Variants in SFXN2 observed in about 807,000 individuals in gnomAD.
SFXN2 encodes sideroflexin-2.
In SFXN2, 37 loss-of-function variants were observed where a neutral mutation model predicts 41.9. The ratio of observed to expected loss-of-function variants is 0.88; its 90% CI spans 0.68 to 1.16. The LOEUF is 1.16. Among genes scored for constraint, SFXN2 ranks in the 50% most tolerant of loss-of-function variants. The probability of loss-of-function intolerance (pLI) is 0.00; values close to 1 mark genes in which losing one functional copy is unlikely to be tolerated. For missense variants in SFXN2, 386 were observed against 425.2 expected (o/e 0.91, Z 0.81); for synonymous variants, 150 against 156.7 (o/e 0.96, Z 0.32).
At chr10:102,733,013 C>T in intron 9 of SFXN2, 105 bp downstream of exon 9, 2 of 1,160,886 alleles carry the variant, frequency 1.7e-6, no homozygotes, top group Non-Finnish European at 2.6e-6. Flanking sequence ...TTCCCTTTAG[C>T]TACCATGCTG....
Position 102,732,989 on chromosome 10 carries a change from T to C in SFXN2, c.771+81T>C, listed in dbSNP as rs1021027616. ...GTCCCTAGGGATACCTGACCTGCCC[T>C]CCCCCACCCATCCTTCCCTTTAGCT... On this transcript the variant is annotated intron_variant, in intron 9 of 11. Coordinates refer to ENST00000369893, the MANE Select transcript of SFXN2 (RefSeq NM_178858.6). 7.1e-6 allele frequency: 10 copies of C among 1,401,240 alleles called. No homozygotes were observed. In the Admixed American group the frequency reaches 1.5e-4, roughly 21 times the overall value. The allele number at this position is 1,401,240 out of a possible 1,614,324, so 86.8% of individuals were successfully genotyped here.
intron 6 of SFXN2, among the ~76,000 whole-genome samples, chr10:102,731,264 C>CAA (rs368931070): frequency 1.6e-4 from 14 of 85,036 alleles, no homozygotes; most frequent in Non-Finnish European, 1.9e-4. Flanking sequence ...GCGATTGTCT[C>CAA]AAAAAAAAAA....
In SFXN2 at chr10:102,728,461, G is replaced by A. The variant is rs1319972976; in HGVS notation, c.363G>A (p.Trp121Ter). 1 of 1,613,886 alleles carries A rather than the reference G, an allele frequency of 6.2e-7. No individual in the cohort carries two copies. Among genetic ancestry groups the A allele is most frequent in the Non-Finnish European group, 8.5e-7 (1 of 1,179,978 alleles). ...RTMPAVIFWQ[W>*]VNQSFNALVN... is the part of the protein sequence containing the mutation. ...TGCCGGCGGTGATCTTCTGGCAGTGGGTGAACCAGTCCTTCAATGCCTTAG... is the reference window on the plus strand; with the variant it reads ...TGCCGGCGGTGATCTTCTGGCAGTGAGTGAACCAGTCCTTCAATGCCTTAG... The change falls in exon 4 of 12, where the codon TGG becomes TGA. Residue 121 changes from tryptophan (W) to a stop codon, truncating the protein, a stop_gained. Coordinates refer to ENST00000369893, the MANE Select transcript of SFXN2 (RefSeq NM_178858.6). LOFTEE classifies it high-confidence loss of function.
chr10:102,728,669 T>C (rs2064649832), intron 4 of SFXN2, 140 bp downstream of exon 4: 1 of 684,294 alleles, frequency 1.5e-6, no homozygotes, highest in Non-Finnish European at 2.6e-6. Flanking sequence ...TTTGGAAATA[T>C]TTTCTCAAGC....
chr10:102,737,641 T>A, intron 11 of SFXN2, 22 bp from the exon 12 acceptor site: 6 of 1,539,960 alleles, frequency 3.9e-6, no homozygotes, highest in Non-Finnish European at 5.4e-6. Context: ...GGCATGCTCA[T>A]AATCCACTTC....
chr10:102,726,275 C>T (rs757092793), intron 1 of SFXN2, among the ~76,000 whole-genome samples: 29 of 152,146 alleles, frequency 1.9e-4, no homozygotes, highest in Non-Finnish European at 5.9e-5. Context: ...GCTACTTTTC[C>T]CATCTCCCCT....
In SFXN2 at chr10:102,732,233, C is replaced by G. The variant is rs767462438; in HGVS notation, c.721+15C>G. 1.9e-6 allele frequency: 3 copies of G among 1,611,906 alleles called. No homozygotes were observed. The Admixed American group carries it at 5.0e-5, about 27-fold the overall frequency. Reference sequence around the variant, plus strand: ...TCCTGGGATGAGTAAGATGGGGAAGCCCTTCCATCCTGGGGAAGCCTGTGA... The same window carrying G: ...TCCTGGGATGAGTAAGATGGGGAAGGCCTTCCATCCTGGGGAAGCCTGTGA... On this transcript the variant is annotated intron_variant, in intron 8 of 11. Transcript: ENST00000369893.
intron 5 of SFXN2, 68 bp from the exon 6 acceptor site, chr10:102,729,655 G>A (rs2064669633): frequency 1.1e-5 from 17 of 1,507,400 alleles, no homozygotes; most frequent in Admixed American, 5.4e-5. Context: ...TATTCTAGTC[G>A]TTCAGCCCCC....
intron 1 of SFXN2, among the ~76,000 whole-genome samples, chr10:102,720,047 G>T (rs1294394506): frequency 6.6e-5 from 10 of 151,984 alleles, no homozygotes; most frequent in Non-Finnish European, 1.5e-4. Context: ...CCCAACACTT[G>T]GGGAGGCCGA....
chr10:102,730,062 G>A (rs1375255835), intron 6 of SFXN2, among the ~76,000 whole-genome samples: 1 of 152,172 alleles, frequency 6.6e-6, no homozygotes. Flanking sequence ...AAGACAGGGT[G>A]GACCTGTGGA....
chr10:102,733,521 A>G, intron 9 of SFXN2, 33 bp from the exon 10 acceptor site: 1 of 1,586,682 alleles, frequency 6.3e-7, no homozygotes, highest in African/African-American at 1.3e-5. Context: ...TAGAAGTACC[A>G]TGTGGATCTG....
chr10:102,738,739 A>G lies in SFXN2; in HGVS notation c.*977A>G, dbSNP rs2064814438. 6.6e-6 allele frequency: 1 copy of G among 152,414 alleles called. No individual in the cohort carries two copies. The highest frequency in any genetic ancestry group is 1.5e-5 in the Non-Finnish European group (1 of 68,034). 9.4% of individuals were successfully genotyped at this position (152,414 alleles called of 1,614,324 possible). On this transcript the variant is annotated 3_prime_UTR_variant, in exon 12 of 12. Coordinates refer to ENST00000369893, the MANE Select transcript of SFXN2 (RefSeq NM_178858.6). The stretch of plus-strand genomic sequence containing the variant: ...TGAACCTATTCTTGGAATCTTCTCT[A>G]TAATAAGGGAAGTTCTCTTACCCCA...
At chr10:102,735,295 C>T (rs2064760340) in intron 10 of SFXN2, among the ~76,000 whole-genome samples, 1 of 151,066 alleles carries the variant, frequency 6.6e-6, no homozygotes, top group East Asian at 1.9e-4. Flanking sequence ...CTCCAAGTCA[C>T]TCCTCCCCCT....
chr10:102,724,000 C>T (rs1201780546), intron 1 of SFXN2, among the ~76,000 whole-genome samples: 1 of 152,150 alleles, frequency 6.6e-6, no homozygotes, highest in African/African-American at 2.4e-5. Flanking sequence ...CTCAAGTGAG[C>T]CCCAGTGGGG....
intron 6 of SFXN2, among the ~76,000 whole-genome samples, chr10:102,731,496 G>A (rs2064703524): frequency 6.6e-6 from 1 of 152,096 alleles, no homozygotes; most frequent in African/African-American, 2.4e-5. Context: ...TGCAGTTTCA[G>A]GACTCAACCC....
At chr10:102,727,228 T>C in intron 3 of SFXN2, 71 bp downstream of exon 3, 1 of 1,475,710 alleles carries the variant, frequency 6.8e-7, no homozygotes, top group Non-Finnish European at 9.2e-7. Context: ...CATACTATGA[T>C]AATAATAATA....
intron 10 of SFXN2, among the ~76,000 whole-genome samples, chr10:102,735,530 C>T (rs1004457422): frequency 6.6e-6 from 1 of 152,186 alleles, no homozygotes; most frequent in South Asian, 2.1e-4. Flanking sequence ...TCTCCCTCCT[C>T]GTCGCTCCTT....
At chr10:102,718,239 G>T (rs892454860) in intron 1 of SFXN2, among the ~76,000 whole-genome samples, 2 of 152,250 alleles carry the variant, frequency 1.3e-5, no homozygotes, top group Admixed American at 6.5e-5. Flanking sequence ...AGAGGACTTT[G>T]CAATGTTGTG....
At chr10:102,732,125 T>G in intron 7 of SFXN2, 27 bp from the exon 8 acceptor site, 1 of 1,607,562 alleles carries the variant, frequency 6.2e-7, no homozygotes, top group Non-Finnish European at 8.5e-7. Context: ...ACATCATTTC[T>G]GACAACTTAC....
Sources: allele counts gnomAD v4.1 joint callset (sites outside exome capture counted in the v4.1 genomes callset), GRCh38; gene constraint gnomAD v4.1.1; transcripts MANE v1.5; gene names NCBI Gene and HGNC (gene_info 2026-07-23, HGNC 2026-07-21).